Variants in WIPF1 observed in about 807,000 individuals in gnomAD.
WIPF1 encodes the protein WAS/WASL interacting protein family member 1, also known as WAS/WASL-interacting protein family member 1.
In WIPF1, 13 loss-of-function variants were observed where a neutral mutation model predicts 35.4. That is an observed-to-expected ratio of 0.37 (90% CI 0.24 to 0.58). The LOEUF (loss-of-function observed/expected upper bound fraction) is 0.58. WIPF1 is among the 20% of genes least tolerant of loss of function. WIPF1 has a pLI of 0.74. For missense variants in WIPF1, 591 were observed against 667.0 expected, an observed-to-expected ratio of 0.89 and a Z score of 1.25; for synonymous variants, 267 against 266.3, an observed-to-expected ratio of 1.00 and a Z score of -0.02.
chr2:174,663,192 T>C (rs1279078244), intron 1 of WIPF1, among the ~76,000 whole-genome samples: 2 of 152,194 alleles, frequency 1.3e-5, no homozygotes, highest in East Asian at 3.8e-4. Context: ...GGTGGTGCTC[T>C]AGAAAAAGTC....
At chr2:174,628,104 G>T (rs1686905090) in intron 1 of WIPF1, among the ~76,000 whole-genome samples, 1 of 152,074 alleles carries the variant, frequency 6.6e-6, no homozygotes, top group East Asian at 1.9e-4. Context: ...GACTCAGAAT[G>T]TCTGAGTAAA....
chr2:174,625,355 T>G (rs552372358), intron 1 of WIPF1, among the ~76,000 whole-genome samples: 4 of 152,380 alleles, frequency 2.6e-5, no homozygotes, highest in Admixed American at 2.6e-4. Flanking sequence ...TTTAGGCTTA[T>G]CACAAAGGAG....
intron 1 of WIPF1, among the ~76,000 whole-genome samples, chr2:174,596,986 CAT>C: frequency 6.6e-6 from 1 of 152,136 alleles, no homozygotes; most frequent in Admixed American, 6.6e-5. Context: ...TCATATTAAA[CAT>C]AAAGTTATAA....
At chr2:174,636,083 G>A (rs763324513) in intron 1 of WIPF1, among the ~76,000 whole-genome samples, 3 of 152,176 alleles carry the variant, frequency 2.0e-5, no homozygotes, top group Non-Finnish European at 2.9e-5. Flanking sequence ...AGGAATAATG[G>A]TACAATTTTG....
At chr2:174,661,022 C>A (rs1352376735) in intron 1 of WIPF1, among the ~76,000 whole-genome samples, 1 of 152,234 alleles carries the variant, frequency 6.6e-6, no homozygotes, top group Non-Finnish European at 1.5e-5. Flanking sequence ...TAGAAGGCAT[C>A]TCAATATCTT....
intron 1 of WIPF1, among the ~76,000 whole-genome samples, chr2:174,595,101 AAAAAAAAAATATATATATAT>A (rs1685755118): frequency 2.4e-5 from 1 of 41,950 alleles, no homozygotes; most frequent in Non-Finnish European, 4.6e-5. Context: ...AAAAAAAAAA[AAAAAAAAAATATATATATAT>A]ATATATATAT....
At chr2:174,678,507 G>A (rs1016079042) in intron 1 of WIPF1, among the ~76,000 whole-genome samples, 2 of 152,230 alleles carry the variant, frequency 1.3e-5, no homozygotes, top group African/African-American at 2.4e-5. Context: ...CCCTGGCCAC[G>A]AGAAGAAGCA....
chr2:174,674,314 T>C (rs999845594), intron 1 of WIPF1, among the ~76,000 whole-genome samples: 5 of 152,238 alleles, frequency 3.3e-5, no homozygotes, highest in Non-Finnish European at 5.9e-5. Flanking sequence ...CTTCAGATTT[T>C]TGGATTCAAG....
At chr2:174,581,286 G>A in intron 3 of WIPF1, 24 bp downstream of exon 3, 1 of 1,613,130 alleles carries the variant, frequency 6.2e-7, no homozygotes, top group South Asian at 1.1e-5. Flanking sequence ...TCCTCTCCAT[G>A]GTAGATAGCC....
intron 1 of WIPF1, among the ~76,000 whole-genome samples, chr2:174,672,624 A>G (rs1274404768): frequency 1.3e-5 from 2 of 152,244 alleles, no homozygotes; most frequent in African/African-American, 2.4e-5. Context: ...TCGGCTCCTC[A>G]GGCCTCTGAA....
intron 3 of WIPF1, among the ~76,000 whole-genome samples, chr2:174,578,342 C>A (rs1456529336): frequency 6.6e-6 from 1 of 152,182 alleles, no homozygotes; most frequent in African/African-American, 2.4e-5. Flanking sequence ...TATTAGACAG[C>A]CTTCCATCTC....
At chr2:174,565,615 A>G (rs1290229356) in intron 7 of WIPF1, among the ~76,000 whole-genome samples, 1 of 152,184 alleles carries the variant, frequency 6.6e-6, no homozygotes, top group Non-Finnish European at 1.5e-5. Flanking sequence ...GCTGTTATTA[A>G]TCTCCTATAA....
At position 174,658,259 on chromosome 2, in the gene WIPF1, C is replaced by T. The variant is rs78069745; in HGVS notation, c.-39+24515G>A. The stretch of plus-strand genomic sequence containing the variant: ...TCAACCCAATAACCTCACACCCACA[C>T]AAAAAAAGAGACCTATGCTTTGTCT... On this transcript the variant is annotated intron_variant, in intron 1 of 8. Coordinates refer to the WIPF1 transcript ENST00000272746. 3.7e-4 allele frequency among the ~76,000 whole-genome samples: 56 copies of T among 152,134 alleles called. No homozygotes were observed. In the East Asian group the frequency reaches 8.9e-3, roughly 24 times the overall value.
At chr2:174,620,144 A>G (rs1686630500) in intron 1 of WIPF1, among the ~76,000 whole-genome samples, 2 of 152,240 alleles carry the variant, frequency 1.3e-5, no homozygotes. Flanking sequence ...TACAGTCTCC[A>G]ATGTTGAGAC....
intron 2 of WIPF1, 58 bp downstream of exon 2, chr2:174,585,465 T>A: frequency 6.5e-7 from 1 of 1,537,232 alleles, no homozygotes; most frequent in East Asian, 2.3e-5. Context: ...GCACGCCAGG[T>A]TTTGGCTTCA....
rs1685868714 is a variant in WIPF1 at position 174,597,755 on chromosome 2, G to A, written c.-193C>T. The A allele has an allele frequency of 6.6e-6, 1 of 152,462 alleles. No individual in the cohort carries two copies. The highest frequency in any genetic ancestry group is 1.5e-5 in the Non-Finnish European group (1 of 68,012). 9.4% of individuals were successfully genotyped at this position (152,462 alleles called of 1,614,324 possible). ...TGGACAGCCATTTTGGACAAGCTCTGGCCTCTTGTTAAATGTGACATACTG... is the reference window on the plus strand; with the variant it reads ...TGGACAGCCATTTTGGACAAGCTCTAGCCTCTTGTTAAATGTGACATACTG... On this transcript the variant is annotated 5_prime_UTR_variant, in exon 1 of 8. It introduces an in-frame stop codon into an upstream open reading frame of the 5' UTR. Coordinates refer to ENST00000679041, the MANE Select transcript of WIPF1 (RefSeq NM_001375834.1).
At chr2:174,593,830 A>G (rs1295625198) in intron 1 of WIPF1, among the ~76,000 whole-genome samples, 1 of 152,214 alleles carries the variant, frequency 6.6e-6, no homozygotes. Context: ...ATACCTTTGC[A>G]GAAAGGTTCG....
chr2:174,584,779 G>T (rs1342295818), intron 2 of WIPF1, among the ~76,000 whole-genome samples: 1 of 150,724 alleles, frequency 6.6e-6, no homozygotes, highest in Non-Finnish European at 1.5e-5. Flanking sequence ...GGGCATGGTG[G>T]TGCTTGCCTT....
chr2:174,643,386 A>T lies in WIPF1; in HGVS notation c.-39+39388T>A, dbSNP rs1457035000. On this transcript the variant is annotated intron_variant, in intron 1 of 8. Coordinates refer to the WIPF1 transcript ENST00000272746. Reference sequence around the variant, plus strand: ...GATGAAAAACTTCATTTGTATTTTAAATTTTTAAATTTTATTTATATGTAT... The same window carrying T: ...GATGAAAAACTTCATTTGTATTTTATATTTTTAAATTTTATTTATATGTAT... Among the ~76,000 whole-genome samples, 4 of 148,922 alleles carry T rather than the reference A, an allele frequency of 2.7e-5. No individual in the cohort carries two copies. The East Asian group carries it at 7.7e-4, about 29-fold the overall frequency.
Sources: gnomAD v4.1 joint callset for allele counts (sites outside exome capture counted in the v4.1 genomes callset) on GRCh38, gnomAD v4.1.1 for gene constraint, MANE v1.5 for transcripts, NCBI Gene and HGNC (gene_info 2026-07-23, HGNC 2026-07-21) for gene names.